Variants in PSME4 observed in about 807,000 individuals in gnomAD.
PSME4 encodes the protein proteasome activator subunit 4.
Under a neutral mutation model 253.9 loss-of-function variants are expected in PSME4, and 89 were observed. The ratio of observed to expected loss-of-function variants is 0.35; its 90% confidence interval spans 0.30 to 0.42. The LOEUF (loss-of-function observed/expected upper bound fraction) is 0.42. Ranked by LOEUF, PSME4 falls within the 10% of genes least tolerant of loss-of-function variation. PSME4 has a pLI of 1.00. For missense variants in PSME4, 2,014 were observed against 2,195.2 expected (o/e 0.92, Z 1.65); for synonymous variants, 851 against 759.2 (o/e 1.12, Z -1.99).
At chr2:53,925,378 A>G (rs1668518416) in intron 14 of PSME4, among the ~76,000 whole-genome samples, 161 bp downstream of exon 14, 1 of 152,242 alleles carries the variant, frequency 6.6e-6, no homozygotes, top group African/African-American at 2.4e-5. Flanking sequence ...ATTTGCAAAT[A>G]CGAAATTTGC....
chr2:53,963,297 T>C (rs1670571750), intron 1 of PSME4, among the ~76,000 whole-genome samples: 1 of 151,660 alleles, frequency 6.6e-6, no homozygotes, highest in African/African-American at 2.4e-5. Flanking sequence ...CTCCCTATGA[T>C]TCCAGCCTGG....
At chr2:53,956,248 G>A (rs1670230584) in intron 1 of PSME4, among the ~76,000 whole-genome samples, 1 of 152,062 alleles carries the variant, frequency 6.6e-6, no homozygotes, top group Non-Finnish European at 1.5e-5. Flanking sequence ...AAGTAAATAG[G>A]CTGGGCCTGG....
chr2:53,888,840 CA>C, intron 37 of PSME4, 28 bp from the exon 38 acceptor site: 1 of 1,482,736 alleles, frequency 6.7e-7, no homozygotes, highest in Non-Finnish European at 9.4e-7. Context: ...TGTAACAGTT[CA>C]ACAGAGAACC....
chr2:53,935,300 G>A (rs974299191), intron 7 of PSME4, among the ~76,000 whole-genome samples: 3 of 152,136 alleles, frequency 2.0e-5, no homozygotes, highest in African/African-American at 7.2e-5. Context: ...AAGGTGGGGA[G>A]AAATGATTTC....
chr2:53,921,765 G>A (rs1489897870), intron 17 of PSME4, among the ~76,000 whole-genome samples: 1 of 140,686 alleles, frequency 7.1e-6, no homozygotes, highest in Non-Finnish European at 1.6e-5. Context: ...CTACTTGGGA[G>A]GCTGAGGCAG....
chr2:53,885,735 A>G lies in PSME4; in HGVS notation c.4770T>C (p.Ser1590=). The G allele has an allele frequency of 6.2e-7, 1 of 1,613,502 alleles. No homozygotes were observed. Among genetic ancestry groups the G allele is most frequent in the Non-Finnish European group, 8.5e-7 (1 of 1,179,544 alleles). Residue 1590 remains serine (S), a synonymous_variant, in exon 41 of 47, where the codon TCT becomes TCC. Transcript: ENST00000404125. ...WLMASAGRSF[S]TAVTEQLQLL... is the part of the protein sequence containing the mutation. ...GCTGAAGTTGTTCTGTAACTGCTGTAGAAAAGGATCTTCCTGCACTTGCCA... is the reference window on the plus strand; with the variant it reads ...GCTGAAGTTGTTCTGTAACTGCTGTGGAAAAGGATCTTCCTGCACTTGCCA...
intron 43 of PSME4, 37 bp downstream of exon 43, chr2:53,874,302 T>C (rs760688092): frequency 2.5e-6 from 4 of 1,580,352 alleles, no homozygotes; most frequent in Non-Finnish European, 2.6e-6. Flanking sequence ...TTTCTTTAAA[T>C]TGACTGAATT....
intron 1 of PSME4, among the ~76,000 whole-genome samples, chr2:53,966,932 T>G (rs1670766321): frequency 6.6e-6 from 1 of 152,116 alleles, no homozygotes; most frequent in Admixed American, 6.5e-5. Context: ...ACTCCTGACC[T>G]CGTGATCCGT....
intron 26 of PSME4, 68 bp downstream of exon 26, chr2:53,906,530 G>A (rs545844486): frequency 8.0e-5 from 114 of 1,423,992 alleles, no homozygotes; most frequent in Non-Finnish European, 9.9e-5. Flanking sequence ...CTTCTTAAAA[G>A]GGGGATATTA....
At chr2:53,938,366 G>C (rs1669224000) in intron 4 of PSME4, among the ~76,000 whole-genome samples, 1 of 152,066 alleles carries the variant, frequency 6.6e-6, no homozygotes, top group South Asian at 2.1e-4. Context: ...TGTATGATAT[G>C]GACAGGAGTG....
chr2:53,868,482 A>AATAT (rs561721048), intron 44 of PSME4, among the ~76,000 whole-genome samples: 5 of 84,508 alleles, frequency 5.9e-5, no homozygotes, highest in African/African-American at 1.3e-4. Context: ...ATATATTTAT[A>AATAT]ATATATATAT....
intron 3 of PSME4, among the ~76,000 whole-genome samples, chr2:53,943,325 C>T (rs1358030240): frequency 1.3e-5 from 2 of 152,176 alleles, no homozygotes; most frequent in Admixed American, 6.5e-5. Flanking sequence ...ACTGTTTATA[C>T]AGTATTTCTT....
rs758562906 is a variant in PSME4 at position 53,927,434 on chromosome 2, T to C, written c.1553A>G (p.Asp518Gly). 2.5e-6 allele frequency: 4 copies of C among 1,596,832 alleles called. No individual in the cohort carries two copies. Among genetic ancestry groups the C allele is most frequent in the South Asian group, 2.2e-5 (2 of 90,684 alleles). Reference protein sequence around the residue: ...ATFSTLVPLVDCSSVLQERND... With the variant: ...ATFSTLVPLVGCSSVLQERND... The stretch of plus-strand genomic sequence containing the variant: ...TCTTTCTTGTAGTACAGATGAACAA[T>C]CTACTAAAGGCACCAGAGTAGAAAA... Residue 518 changes from aspartate to glycine, a missense_variant, in exon 12 of 47, where the codon GAT becomes GGT. Around this residue, in one of 4 missense-constraint regions of PSME4, gnomAD observed 989 missense variants for 1,021.1 expected, o/e 0.97. Transcript: ENST00000404125.
intron 4 of PSME4, among the ~76,000 whole-genome samples, chr2:53,938,310 C>A (rs946240525): frequency 2.0e-5 from 3 of 152,084 alleles, no homozygotes; most frequent in Non-Finnish European, 4.4e-5. Context: ...CTCCCCTATA[C>A]GAGAAGACTA....
Position 53,874,444 on chromosome 2 carries a change from G to C in PSME4, c.4995C>G (p.Leu1665=), listed in dbSNP as rs760079247. 1.1e-5 allele frequency: 18 copies of C among 1,613,960 alleles called. No individual in the cohort carries two copies. Among genetic ancestry groups the C allele is most frequent in the Non-Finnish European group, 1.4e-5 (17 of 1,179,960 alleles). ...WHARYTVLTY[L]QTMVFYNLFI... is the part of the protein sequence containing the mutation. ...AGAGGTTATAAAATACCATGGTCTG[G>C]AGGTAGGTCAGTACTGTGTATCGTG... Residue 1665 remains leucine, a synonymous_variant, in exon 43 of 47, where the codon CTC becomes CTG. Coordinates refer to ENST00000404125, the MANE Select transcript of PSME4 (RefSeq NM_014614.3).
At chr2:53,874,880 G>A (rs1268761884) in intron 42 of PSME4, among the ~76,000 whole-genome samples, 1 of 152,168 alleles carries the variant, frequency 6.6e-6, no homozygotes. Context: ...GGGGGGCGGA[G>A]GTTGCAGTGA....
chr2:53,908,200 T>C, intron 24 of PSME4, 120 bp downstream of exon 24: 6 of 720,592 alleles, frequency 8.3e-6, no homozygotes, highest in Non-Finnish European at 1.3e-5. Context: ...TTACATACTT[T>C]TAAATCTACT....
intron 20 of PSME4, among the ~76,000 whole-genome samples, chr2:53,914,977 C>T (rs1035283693): frequency 6.6e-6 from 1 of 152,310 alleles, no homozygotes; most frequent in Middle Eastern, 3.4e-3. Flanking sequence ...TACTTTTATG[C>T]TTAGGACTTG....
At chr2:53,969,670 CCA>C (rs920037506) in intron 1 of PSME4, among the ~76,000 whole-genome samples, 3 of 150,528 alleles carry the variant, frequency 2.0e-5, no homozygotes, top group Non-Finnish European at 4.4e-5. Context: ...CTTTTTTCCC[CCA>C]CTGTATTTTC....
Sources: allele counts gnomAD v4.1 joint callset (sites outside exome capture counted in the v4.1 genomes callset), GRCh38; gene constraint gnomAD v4.1.1; regional missense constraint gnomAD v4.1.1; transcripts MANE v1.5; gene names NCBI Gene and HGNC (gene_info 2026-07-23, HGNC 2026-07-21).